The following PDLIM2 variants were observed in gnomAD, a reference collection of about 807,000 sequenced individuals.
PDLIM2 encodes PDZ and LIM domain protein 2.
A neutral mutation model predicts 54.1 loss-of-function variants in PDLIM2; 51 were observed. That is an observed-to-expected ratio of 0.94 (90% CI 0.75 to 1.19). The LOEUF (loss-of-function observed/expected upper bound fraction) is 1.19, where lower values mean the gene tolerates loss of function less well. PDLIM2 is among the 50% of genes most tolerant of loss of function. The probability of loss-of-function intolerance (pLI) is 0.00; values close to 1 mark genes in which losing one functional copy is unlikely to be tolerated. For missense variants in PDLIM2, 912 were observed against 874.0 expected (o/e 1.04, Z -0.55); for synonymous variants, 398 against 385.6 (o/e 1.03, Z -0.38).
At chr8:22,594,765 AT>A (rs546548233), downstream of PDLIM2, 3,982 of 1,436,680 alleles carry the variant, frequency 2.8e-3, 15 homozygotes, top group Middle Eastern at 9.9e-3. Flanking sequence ...TTCATTGGTG[AT>A]TGATTTGGAG....
exon 5 of PDLIM2, chr8:22,585,103 C>T: frequency 6.2e-7 from 1 of 1,613,952 alleles, no homozygotes; most frequent in Non-Finnish European, 8.5e-7. Context: ...GGGCCGGCAG[C>T]CCCTTCTCAC....
chr8:22,589,350 C>T (rs548571713), exon 7 of PDLIM2: 33 of 1,534,728 alleles, frequency 2.2e-5, no homozygotes, highest in African/African-American at 1.5e-4. Flanking sequence ...CCGCCTTCCC[C>T]GGGCCCTCGT....
chr8:22,593,577 CAAAAAAAAAAAAA>C (rs59345957), intron 9 of PDLIM2, 143 bp from the exon 9 acceptor site: 3 of 390,412 alleles, frequency 7.7e-6, no homozygotes, highest in Admixed American at 5.0e-5. Flanking sequence ...AACTCCATCT[CAAAAAAAAAAAAA>C]AAAAAAAAAA....
At chr8:22,580,719 G>C (rs1800168012) in intron 2 of PDLIM2, 22 bp downstream of exon 1, 1 of 1,611,694 alleles carries the variant, frequency 6.2e-7, no homozygotes, top group Non-Finnish European at 8.5e-7. Flanking sequence ...GGCTCAAAGA[G>C]ATGAGAAGGT....
intron 3 of PDLIM2, among the ~76,000 whole-genome samples, chr8:22,583,199 G>A: frequency 6.6e-6 from 1 of 152,234 alleles, no homozygotes; most frequent in East Asian, 1.9e-4. Context: ...TTGGAAGAGG[G>A]TACCCAGGGA....
chr8:22,589,835 C>T, intron 8 of PDLIM2, 94 bp downstream of exon 7: 1 of 1,481,294 alleles, frequency 6.8e-7, no homozygotes, highest in Non-Finnish European at 9.1e-7. Flanking sequence ...TCTTAAGTGC[C>T]TGTGAGGTGC....
chr8:22,594,217 G>T, exon 10 of PDLIM2: 1 of 1,397,452 alleles, frequency 7.2e-7, no homozygotes, highest in Non-Finnish European at 9.3e-7. Context: ...GAAGGAGAGG[G>T]GTGGGCCAGG....
At chr8:22,584,974 CG>C in intron 4 of PDLIM2, 42 bp from the exon 4 acceptor site, 3 of 1,613,026 alleles carry the variant, frequency 1.9e-6, no homozygotes, top group Non-Finnish European at 2.5e-6. Flanking sequence ...GCGGCCTTGG[CG>C]GGGCAGCCCT....
chr8:22,590,889 G>T (rs191759705), intron 8 of PDLIM2: 69 of 153,166 alleles, frequency 4.5e-4, no homozygotes, highest in Non-Finnish European at 7.3e-4. Flanking sequence ...GGGAGCAAAT[G>T]TAAGAGGCCA....
chr8:22,580,480 A>C (rs1800155282), intron 1 of PDLIM2: 1 of 1,559,948 alleles, frequency 6.4e-7, no homozygotes, highest in Non-Finnish European at 8.7e-7. Context: ...AAAGCCCCTG[A>C]GTAGCTGCTC....
intron 2 of PDLIM2, chr8:22,580,989 AAG>A (rs879707347): frequency 1.1e-5 from 7 of 658,430 alleles, no homozygotes; most frequent in African/African-American, 8.9e-5. Flanking sequence ...TTACTAGAAC[AAG>A]AGCCCCGGAG....
chr8:22,589,808 G>T (rs1800491177), intron 8 of PDLIM2, 67 bp downstream of exon 7: 1 of 1,537,660 alleles, frequency 6.5e-7, no homozygotes, highest in East Asian at 2.4e-5. Context: ...TGACTGGATG[G>T]GTCAGTGAAC....
Position 22,580,372 on chromosome 8 carries a change from A to T in PDLIM2, c.749-231A>T, listed in dbSNP as rs1383124000. 5.5e-6 allele frequency: 6 copies of T among 1,090,258 alleles called. No homozygotes were observed. The African/African-American group carries it at 9.6e-5, about 17-fold the overall frequency. 67.5% of individuals were successfully genotyped at this position (1,090,258 alleles called of 1,614,324 possible). A position where few individuals can be genotyped will look rare whatever the true frequency, so the allele number is the denominator to read the frequency against. Reference sequence around the variant, plus strand: ...TCCTGGGAGTCGCTCCCTGGGCTGAAGACTAAGGAAGGGAGAACCCAGAAG... The same window carrying T: ...TCCTGGGAGTCGCTCCCTGGGCTGATGACTAAGGAAGGGAGAACCCAGAAG... On this transcript the variant is annotated intron_variant, in intron 1 of 9. Coordinates refer to ENST00000308354, the Ensembl canonical transcript of PDLIM2.
At chr8:22,582,239 C>T (rs1800224473) in intron 3 of PDLIM2, among the ~76,000 whole-genome samples, 1 of 152,222 alleles carries the variant, frequency 6.6e-6, no homozygotes, top group African/African-American at 2.4e-5. Context: ...ATCCTGGCCA[C>T]CCCCACATTG....
intron 6 of PDLIM2, chr8:22,588,001 T>G (rs1398959910): frequency 1.3e-5 from 2 of 152,324 alleles, no homozygotes; most frequent in Non-Finnish European, 2.9e-5. Context: ...GCCGGTGCCC[T>G]AGGCAGGGCC....
chr8:22,588,417 C>T (rs1800439006), intron 6 of PDLIM2: 1 of 152,264 alleles, frequency 6.6e-6, no homozygotes, highest in Admixed American at 6.5e-5. Context: ...AAATGGTGCC[C>T]CTGGCCCTGG....
chr8:22,594,322 C>T (rs1364735499), downstream of PDLIM2: 2 of 1,428,128 alleles, frequency 1.4e-6, no homozygotes, highest in African/African-American at 1.4e-5. Flanking sequence ...CCTTCTTTTT[C>T]CTACCGCCAG....
At chr8:22,583,106 G>C (rs774316852) in intron 3 of PDLIM2, among the ~76,000 whole-genome samples, 12 of 152,062 alleles carry the variant, frequency 7.9e-5, no homozygotes, top group Non-Finnish European at 1.3e-4. Flanking sequence ...GGCCAGGAAT[G>C]TGTGGCAAGA....
At chr8:22,584,695 G>C in intron 3 of PDLIM2, 126 bp from the exon 3 acceptor site, 1 of 806,706 alleles carries the variant, frequency 1.2e-6, no homozygotes, top group Non-Finnish European at 2.0e-6. Context: ...GTTGACAACC[G>C]GATGTCCAAA....
Sources: allele counts gnomAD v4.1 joint callset (sites outside exome capture counted in the v4.1 genomes callset), GRCh38; gene constraint gnomAD v4.1.1; transcripts MANE v1.5; gene names NCBI Gene and HGNC (gene_info 2026-07-23, HGNC 2026-07-21).